Variants in SATL1 observed in about 807,000 individuals in gnomAD.
SATL1 encodes the protein spermidine/spermine N(1)-acetyltransferase-like protein 1.
In SATL1, 47 loss-of-function variants were observed where a neutral mutation model predicts 51.8. The observed-to-expected ratio is 0.91, with a 90% CI of 0.72 to 1.16. The LOEUF (loss-of-function observed/expected upper bound fraction) is 1.16. SATL1 is among the 50% of genes most tolerant of loss of function. The pLI is 0.00. For synonymous variants in SATL1, 176 were observed against 182.4 expected (o/e 0.97, Z 0.28); for missense variants, 520 against 526.4 (o/e 0.99, Z 0.12).
intron 1 of SATL1, among the ~76,000 whole-genome samples, chrX:85,242,402 A>G (rs1477361777): frequency 3.5e-5 from 4 of 112,781 alleles, no homozygotes; most frequent in Non-Finnish European, 7.5e-5. Flanking sequence ...ATGGCCCACA[A>G]GCCAAATCTG....
chrX:85,201,573 C>T (rs1927688414), intron 2 of SATL1, among the ~76,000 whole-genome samples: 1 of 111,293 alleles, frequency 9.0e-6, no homozygotes, highest in Non-Finnish European at 1.9e-5. Context: ...AGGTATTAAA[C>T]TCAGTACCCA....
intron 2 of SATL1, among the ~76,000 whole-genome samples, chrX:85,159,547 C>T (rs776505236): frequency 3.2e-4 from 36 of 111,758 alleles, no homozygotes; most frequent in African/African-American, 7.5e-4. Flanking sequence ...TATTGTCTTC[C>T]GGGAAACTGG....
At chrX:85,171,556 G>A (rs1273363695) in intron 2 of SATL1, among the ~76,000 whole-genome samples, 1 of 111,135 alleles carries the variant, frequency 9.0e-6, no homozygotes, top group Non-Finnish European at 1.9e-5. Flanking sequence ...CCCTCAACCT[G>A]AAATGAGAAG....
intron 1 of SATL1, among the ~76,000 whole-genome samples, chrX:85,237,993 T>C (rs1928515147): frequency 9.0e-6 from 1 of 110,760 alleles, no homozygotes; most frequent in Non-Finnish European, 1.9e-5. Flanking sequence ...GAAATGCAAA[T>C]CAAAACTATA....
At chrX:85,190,024 T>C (rs1451393371) in intron 2 of SATL1, among the ~76,000 whole-genome samples, 1 of 112,155 alleles carries the variant, frequency 8.9e-6, no homozygotes, top group Admixed American at 9.5e-5. Flanking sequence ...TGTACAGTTA[T>C]TGCAGTTTGA....
At chrX:85,204,012 T>C in intron 2 of SATL1, among the ~76,000 whole-genome samples, 1 of 112,358 alleles carries the variant, frequency 8.9e-6, no homozygotes, top group Middle Eastern at 4.6e-3. Flanking sequence ...TTCAAAGGCC[T>C]CCATGCATGC....
intron 2 of SATL1, among the ~76,000 whole-genome samples, chrX:85,191,345 C>G (rs1395695214): frequency 9.0e-6 from 1 of 111,491 alleles, no homozygotes; most frequent in Non-Finnish European, 1.9e-5. Flanking sequence ...GGGTACTTAG[C>G]TTATCCATCA....
In SATL1 at chrX:85,103,887, T is replaced by C. The variant is rs780340763; in HGVS notation, c.1670A>G (p.Asp557Gly). The C allele has an allele frequency of 1.3e-5, 15 of 1,197,383 alleles. No individual in the cohort carries two copies. Among genetic ancestry groups the C allele is most frequent in the Non-Finnish European group, 1.2e-5 (11 of 883,409 alleles). ...ACCAGCTGCTGTTAACTCCATTGCA[T>C]CTAGCATGTTTTCACAGGCAGCCAA... Reference protein sequence around the residue: ...KELAACENMLDAMELTAADLL... With the variant: ...KELAACENMLGAMELTAADLL... The change falls in exon 4 of 8, where the codon GAT (aspartate) becomes GGT (glycine). Residue 557 changes from aspartate to glycine, a missense_variant. Asp to Gly is a moderately conservative substitution (Grantham distance 94). Around this residue, in one of 3 missense-constraint regions of SATL1, gnomAD observed 488 missense variants for 474.3 expected, o/e 1.03. Transcript: ENST00000644105.
chrX:85,136,663 T>TGAAGG (rs1925964591), intron 2 of SATL1, among the ~76,000 whole-genome samples: 1 of 111,645 alleles, frequency 9.0e-6, no homozygotes, highest in Admixed American at 9.5e-5. Flanking sequence ...TTCAGTGGCC[T>TGAAGG]GAAGGGAATG....
chrX:85,172,004 C>T (rs924685734), intron 2 of SATL1, among the ~76,000 whole-genome samples: 2 of 111,536 alleles, frequency 1.8e-5, no homozygotes, highest in African/African-American at 6.5e-5. Context: ...ATATCACTCA[C>T]ACTGCTTTTG....
At chrX:85,185,450 G>T (rs939896871) in intron 2 of SATL1, among the ~76,000 whole-genome samples, 3 of 112,217 alleles carry the variant, frequency 2.7e-5, no homozygotes, top group African/African-American at 9.7e-5. Context: ...GTCCAGAGAT[G>T]CCATCCAATA....
At chrX:85,168,769 AT>A (rs1926904007) in intron 2 of SATL1, among the ~76,000 whole-genome samples, 1 of 111,922 alleles carries the variant, frequency 8.9e-6, no homozygotes, top group Non-Finnish European at 1.9e-5. Flanking sequence ...CTAGAAAAAA[AT>A]ATTTTAAAAT....
intron 4 of SATL1, among the ~76,000 whole-genome samples, chrX:85,101,518 A>G (rs1924893254): frequency 8.9e-6 from 1 of 112,377 alleles, no homozygotes; most frequent in Non-Finnish European, 1.9e-5. Context: ...GGGTATTACA[A>G]AAAAACAAAA....
At chrX:85,122,982 G>T (rs1925539768) in intron 2 of SATL1, among the ~76,000 whole-genome samples, 1 of 111,310 alleles carries the variant, frequency 9.0e-6, no homozygotes, top group Non-Finnish European at 1.9e-5. Context: ...GCTGTAGAGG[G>T]CATGATTCCA....
At chrX:85,149,855 G>C (rs1256596334) in intron 2 of SATL1, among the ~76,000 whole-genome samples, 13 of 111,489 alleles carry the variant, frequency 1.2e-4, no homozygotes, top group Non-Finnish European at 2.3e-4. Context: ...GCCCACAAGA[G>C]AAAGCAGGAA....
intron 4 of SATL1, 91 bp downstream of exon 4, chrX:85,103,773 T>A: frequency 1.6e-6 from 1 of 608,949 alleles, no homozygotes; most frequent in South Asian, 2.6e-5. Flanking sequence ...AATGGTGTCA[T>A]CTTTATGTAC....
At chrX:85,166,931 ATATATGTGTATG>A (rs1382530389) in intron 2 of SATL1, among the ~76,000 whole-genome samples, 4 of 88,729 alleles carry the variant, frequency 4.5e-5, no homozygotes, top group African/African-American at 2.2e-4. Context: ...ATATATATAT[ATATATGTGTATG>A]TGTGTGTGTG....
intron 1 of SATL1, among the ~76,000 whole-genome samples, chrX:85,224,925 T>C (rs1476215409): frequency 1.8e-5 from 2 of 111,152 alleles, no homozygotes; most frequent in Admixed American, 1.9e-4. Context: ...CCATACAATG[T>C]AACACTGCTC....
At chrX:85,134,407 C>T (rs1229067224) in intron 2 of SATL1, among the ~76,000 whole-genome samples, 1 of 111,545 alleles carries the variant, frequency 9.0e-6, no homozygotes, top group East Asian at 2.8e-4. Flanking sequence ...ACCATTCATT[C>T]AAAAAATTTG....
Sources: allele counts gnomAD v4.1 joint callset (sites outside exome capture counted in the v4.1 genomes callset), GRCh38; gene constraint gnomAD v4.1.1; regional missense constraint gnomAD v4.1.1; transcripts MANE v1.5; gene names NCBI Gene and HGNC (gene_info 2026-07-23, HGNC 2026-07-21).